The following FRAS1 variants were observed in gnomAD, a reference collection of about 807,000 sequenced individuals.
The protein encoded by FRAS1 is extracellular matrix organizing protein FRAS1.
In FRAS1, 290 loss-of-function variants were observed where a neutral mutation model predicts 435.2. The observed-to-expected ratio is 0.67, with a 90% CI of 0.61 to 0.73. The LOEUF (loss-of-function observed/expected upper bound fraction) is 0.73, where lower values mean the gene tolerates loss of function less well. FRAS1 is among the 30% of genes least tolerant of loss of function. The pLI, the probability that FRAS1 is intolerant of heterozygous loss-of-function variation, is 0.00. For missense variants in FRAS1, 4,860 were observed against 5,001.5 expected (o/e 0.97, Z 0.85); for synonymous variants, 1,800 against 1,851.0 (o/e 0.97, Z 0.71).
At chr4:78,063,251 C>A (rs531036320) in intron 1 of FRAS1, among the ~76,000 whole-genome samples, 49 of 152,326 alleles carry the variant, frequency 3.2e-4, no homozygotes, top group African/African-American at 1.1e-3. Context: ...ACAAACCCCT[C>A]AACTTCATCT....
At chr4:78,178,998 G>A (rs1027733322) in intron 2 of FRAS1, among the ~76,000 whole-genome samples, 2 of 152,122 alleles carry the variant, frequency 1.3e-5, no homozygotes, top group Non-Finnish European at 2.9e-5. Flanking sequence ...CATTCCTCTT[G>A]GAATTGCCTG....
At chr4:78,534,246 A>G (rs1006618605) in intron 70 of FRAS1, among the ~76,000 whole-genome samples, 7 of 152,340 alleles carry the variant, frequency 4.6e-5, no homozygotes, top group African/African-American at 1.7e-4. Flanking sequence ...TTATTTTTTA[A>G]GACTAATTAT....
At chr4:78,070,178 T>A (rs1740264078) in intron 2 of FRAS1, among the ~76,000 whole-genome samples, 1 of 152,282 alleles carries the variant, frequency 6.6e-6, no homozygotes, top group East Asian at 1.9e-4. Context: ...TAGACAGGCA[T>A]GTCATCTTAA....
At chr4:78,152,114 G>A (rs775354828) in intron 2 of FRAS1, among the ~76,000 whole-genome samples, 1 of 152,088 alleles carries the variant, frequency 6.6e-6, no homozygotes, top group Non-Finnish European at 1.5e-5. Flanking sequence ...GTGTCATGTC[G>A]TGCTATAATT....
At chr4:78,489,147 C>T in intron 59 of FRAS1, 67 bp downstream of exon 59, 1 of 1,458,472 alleles carries the variant, frequency 6.9e-7, no homozygotes, top group Non-Finnish European at 9.3e-7. Context: ...GTAATGAAGT[C>T]ATTTATATAA....
In FRAS1 at chr4:78,337,746, C is replaced by T; in HGVS notation, c.2351C>T (p.Ser784Phe). 6.2e-7 allele frequency: 1 copy of T among 1,613,932 alleles called. No individual in the cohort carries two copies. The change falls in exon 20 of 74, where the codon TCT (serine) becomes TTT (phenylalanine). Residue 784 changes from serine (S) to phenylalanine (F), a missense_variant. By Grantham distance (155) the Ser-to-Phe change is radical. Transcript: ENST00000512123. Reference protein sequence around the residue: ...SDCISCYPHISLTNGNCRTSC... With the variant: ...SDCISCYPHIFLTNGNCRTSC... ...TGCATCTCCTGTTACCCTCACATCT[C>T]TCTTACCAATGGTAACTGCAGGACC...
intron 31 of FRAS1, among the ~76,000 whole-genome samples, chr4:78,409,642 T>C (rs1733256910): frequency 6.6e-6 from 1 of 152,152 alleles, no homozygotes; most frequent in Non-Finnish European, 1.5e-5. Context: ...TAAAGAATCA[T>C]ACAGAAATAC....
chr4:78,140,870 G>A (rs1393876929), intron 2 of FRAS1, among the ~76,000 whole-genome samples: 1 of 151,916 alleles, frequency 6.6e-6, no homozygotes, highest in African/African-American at 2.4e-5. Context: ...ATTTTGTGGT[G>A]ATATAAACTA....
Position 78,057,424 on chromosome 4 carries a change from A to C in FRAS1, c.-586A>C, listed in dbSNP as rs1739513949. On this transcript the variant is annotated 5_prime_UTR_variant, in exon 1 of 74. Coordinates refer to ENST00000512123, the MANE Select transcript of FRAS1 (RefSeq NM_025074.7). This position sits in a 1 kb window ranked among gnomAD's most constrained non-coding sequence, Gnocchi z 4.2. ...CGGGCGAGTCCCCGGAGCTGCCCTC[A>C]GCGCTGCACAGTTTCCAGCGAGCGG... is the stretch of plus-strand genomic sequence containing the variant. 6.5e-6 allele frequency: 1 copy of C among 152,696 alleles called. No homozygotes were observed. Among genetic ancestry groups the C allele is most frequent in the Non-Finnish European group, 1.5e-5 (1 of 68,444 alleles). The allele number at this position is 152,696 out of a possible 1,614,324, so 9.5% of individuals were successfully genotyped here.
chr4:78,490,626 C>A (rs1560410354), intron 59 of FRAS1, among the ~76,000 whole-genome samples: 1 of 152,220 alleles, frequency 6.6e-6, no homozygotes. Flanking sequence ...ACACAACATA[C>A]CAGAATCCCT....
chr4:78,487,960 A>G (rs1720222332), intron 58 of FRAS1, among the ~76,000 whole-genome samples: 1 of 152,134 alleles, frequency 6.6e-6, no homozygotes, highest in African/African-American at 2.4e-5. Context: ...CTCATCCTTA[A>G]GTCAAAGGAG....
chr4:78,530,750 T>C (rs941562124), intron 70 of FRAS1, among the ~76,000 whole-genome samples: 3 of 152,196 alleles, frequency 2.0e-5, no homozygotes, highest in Admixed American at 2.0e-4. Flanking sequence ...AGCCTTGTAG[T>C]ATAGTTTGAA....
chr4:78,256,306 A>C (rs928298037), intron 6 of FRAS1, among the ~76,000 whole-genome samples: 6 of 152,196 alleles, frequency 3.9e-5, no homozygotes, highest in Non-Finnish European at 5.9e-5. Flanking sequence ...TCATCTCCCA[A>C]TTCATCACAA....
intron 47 of FRAS1, among the ~76,000 whole-genome samples, chr4:78,460,992 A>G (rs1389468112): frequency 2.6e-5 from 4 of 152,232 alleles, no homozygotes; most frequent in African/African-American, 4.8e-5. Flanking sequence ...CTAGGTGCAC[A>G]TCAGTGAAGA....
chr4:78,308,230 C>T (rs1285912012), intron 15 of FRAS1, 21 bp downstream of exon 15: 2 of 1,605,008 alleles, frequency 1.2e-6, no homozygotes, highest in East Asian at 2.2e-5. Flanking sequence ...GGTTGCGATG[C>T]TGACGTGTCC....
At chr4:78,523,337 T>C (rs1432673448) in intron 69 of FRAS1, among the ~76,000 whole-genome samples, 3 of 152,284 alleles carry the variant, frequency 2.0e-5, no homozygotes, top group African/African-American at 2.4e-5. Context: ...AGAAATTTCA[T>C]TTCAATTACA....
At chr4:78,538,207 T>G (rs1490504810) in intron 72 of FRAS1, among the ~76,000 whole-genome samples, 1 of 152,228 alleles carries the variant, frequency 6.6e-6, no homozygotes, top group Non-Finnish European at 1.5e-5. Context: ...TGTAATGAGT[T>G]TCTTATTGTC....
At chr4:78,389,346 T>G (rs1432972062) in intron 29 of FRAS1, among the ~76,000 whole-genome samples, 3 of 152,264 alleles carry the variant, frequency 2.0e-5, no homozygotes, top group Non-Finnish European at 2.9e-5. Flanking sequence ...TAAAACCACT[T>G]GTCACTTTCT....
At chr4:78,444,642 TC>T (rs1409161068) in intron 41 of FRAS1, among the ~76,000 whole-genome samples, 1 of 152,206 alleles carries the variant, frequency 6.6e-6, no homozygotes, top group Non-Finnish European at 1.5e-5. Context: ...GATGACAATT[TC>T]AAATCAATCA....
Sources: allele counts gnomAD v4.1 joint callset (sites outside exome capture counted in the v4.1 genomes callset), GRCh38; gene constraint gnomAD v4.1.1; non-coding constraint Gnocchi (gnomAD v3.1); transcripts MANE v1.5; gene names NCBI Gene and HGNC (gene_info 2026-07-23, HGNC 2026-07-21).